The following SDCCAG8 variants were observed in gnomAD, a reference collection of about 807,000 sequenced individuals.
SDCCAG8 encodes serologically defined colon cancer antigen 8.
Under a neutral mutation model 101.8 loss-of-function variants are expected in SDCCAG8, and 74 were observed. That is an observed-to-expected ratio of 0.73 (90% CI 0.60 to 0.88). The LOEUF (loss-of-function observed/expected upper bound fraction) is 0.88. Among genes scored for constraint, SDCCAG8 ranks in the 40% least tolerant of loss-of-function variants. SDCCAG8 has a pLI of 0.00. For missense variants in SDCCAG8, 787 were observed against 822.6 expected, an observed-to-expected ratio of 0.96 and a Z score of 0.53; for synonymous variants, 281 against 292.9, an observed-to-expected ratio of 0.96 and a Z score of 0.41.
rs760942783 is a variant in SDCCAG8, at chr1:243,316,852, G to A, written c.1027G>A (p.Val343Ile). The change falls in exon 9 of 18, where the codon GTT (valine) becomes ATT (isoleucine). Residue 343 changes from valine to isoleucine, a missense_variant. Coordinates refer to ENST00000366541, the MANE Select transcript of SDCCAG8 (RefSeq NM_006642.5). ...AAGTGCTTATGAACAGGTGAAACAA[G>A]TTTTGCAAATATCTGAGGAAGCCAA... ...EASAYEQVKQ[V>I]LQISEEANFE... The A allele has an allele frequency of 9.9e-6, 16 of 1,614,186 alleles. No individual in the cohort carries two copies. The South Asian group carries it at 1.6e-4, about 17-fold the overall frequency.
At chr1:243,261,954 GCA>G (rs2067224950) in intron 1 of SDCCAG8, among the ~76,000 whole-genome samples, 8 of 150,638 alleles carry the variant, frequency 5.3e-5, no homozygotes, top group Non-Finnish European at 1.0e-4. Context: ...TGGGTTACAG[GCA>G]CGTGCCAACA....
chr1:243,273,972 C>A (rs781116686), intron 3 of SDCCAG8, among the ~76,000 whole-genome samples: 1 of 152,128 alleles, frequency 6.6e-6, no homozygotes, highest in Non-Finnish European at 1.5e-5. Context: ...GATAGAGAAG[C>A]AAGTATTTGT....
At chr1:243,353,027 C>T (rs1449706919) in intron 12 of SDCCAG8, among the ~76,000 whole-genome samples, 1 of 152,056 alleles carries the variant, frequency 6.6e-6, no homozygotes, top group Non-Finnish European at 1.5e-5. Context: ...AATTCAATAA[C>T]CATATATTAT....
intron 2 of SDCCAG8, 101 bp from the exon 3 acceptor site, chr1:243,270,877 C>T (rs2068025886): frequency 1.2e-6 from 1 of 824,902 alleles, no homozygotes; most frequent in Non-Finnish European, 2.1e-6. Flanking sequence ...ATTCTTGATG[C>T]ATAATATATC....
chr1:243,451,556 A>G (rs1481846872), intron 16 of SDCCAG8, among the ~76,000 whole-genome samples: 3 of 152,198 alleles, frequency 2.0e-5, no homozygotes, highest in African/African-American at 7.2e-5. Context: ...TTAAATGGAC[A>G]TATTCAGAGT....
intron 17 of SDCCAG8, 75 bp downstream of exon 17, chr1:243,489,215 A>G: frequency 6.4e-7 from 1 of 1,560,876 alleles, no homozygotes; most frequent in Non-Finnish European, 8.7e-7. Context: ...GCACCTCAAC[A>G]GGCCGGCTTT....
chr1:243,478,144 T>G (rs1662789744), intron 16 of SDCCAG8, among the ~76,000 whole-genome samples: 1 of 152,174 alleles, frequency 6.6e-6, no homozygotes, highest in African/African-American at 2.4e-5. Context: ...GCCCAGAAGG[T>G]TACCCAGCGT....
At chr1:243,335,030 A>G (rs1308077235) in intron 10 of SDCCAG8, among the ~76,000 whole-genome samples, 1 of 152,158 alleles carries the variant, frequency 6.6e-6, no homozygotes, top group Non-Finnish European at 1.5e-5. Flanking sequence ...CCTTGCATGT[A>G]ACATCCTCAA....
intron 9 of SDCCAG8, among the ~76,000 whole-genome samples, chr1:243,320,630 G>A (rs2073677767): frequency 6.6e-6 from 1 of 152,088 alleles, no homozygotes; most frequent in Non-Finnish European, 1.5e-5. Context: ...TGTGACCTTG[G>A]ACGAGTTACT....
At chr1:243,329,880 C>T (rs1467354739) in intron 9 of SDCCAG8, among the ~76,000 whole-genome samples, 1 of 152,120 alleles carries the variant, frequency 6.6e-6, no homozygotes, top group Non-Finnish European at 1.5e-5. Flanking sequence ...AAAGGACAAT[C>T]ATGAACTTTA....
intron 16 of SDCCAG8, among the ~76,000 whole-genome samples, chr1:243,445,813 A>C (rs2082862376): frequency 6.6e-6 from 1 of 152,166 alleles, no homozygotes; most frequent in Non-Finnish European, 1.5e-5. Context: ...AATTGGACAA[A>C]CTTTTTGTGT....
chr1:243,380,103 G>A (rs1224668923), intron 13 of SDCCAG8, among the ~76,000 whole-genome samples: 1 of 151,908 alleles, frequency 6.6e-6, no homozygotes, highest in Non-Finnish European at 1.5e-5. Context: ...GAAAGAGAAA[G>A]CAAAGAAAGA....
chr1:243,431,813 G>T (rs1027815352), intron 16 of SDCCAG8, among the ~76,000 whole-genome samples: 11 of 152,190 alleles, frequency 7.2e-5, no homozygotes, highest in Non-Finnish European at 2.9e-5. Context: ...GGCGTTCACT[G>T]TCACCGACTC....
chr1:243,312,687 C>G (rs2072852974), intron 8 of SDCCAG8, among the ~76,000 whole-genome samples: 1 of 129,516 alleles, frequency 7.7e-6, no homozygotes, highest in African/African-American at 3.0e-5. Flanking sequence ...GCCTGGGCAA[C>G]AGAGGAAGAA....
chr1:243,450,111 A>C (rs2083242504), intron 16 of SDCCAG8, among the ~76,000 whole-genome samples: 4 of 152,178 alleles, frequency 2.6e-5, no homozygotes, highest in Admixed American at 1.3e-4. Context: ...GTTTTCCAGC[A>C]CTTAGAGCAC....
At chr1:243,372,126 G>A (rs2077328502) in intron 12 of SDCCAG8, among the ~76,000 whole-genome samples, 3 of 151,972 alleles carry the variant, frequency 2.0e-5, no homozygotes, top group Admixed American at 2.0e-4. Context: ...TAGATTATAT[G>A]TTTCAATTTT....
chr1:243,348,339 C>T (rs2075865351), intron 12 of SDCCAG8, among the ~76,000 whole-genome samples: 1 of 151,774 alleles, frequency 6.6e-6, no homozygotes, highest in Admixed American at 6.6e-5. Context: ...CATGAGCCAC[C>T]GCGCCCGGCC....
chr1:243,425,049 G>T (rs1414552365), intron 15 of SDCCAG8, among the ~76,000 whole-genome samples: 1 of 152,048 alleles, frequency 6.6e-6, no homozygotes, highest in African/African-American at 2.4e-5. Flanking sequence ...TCTGAAAGGA[G>T]AAACGTAAGT....
At chr1:243,486,544 G>C (rs1047411768) in intron 16 of SDCCAG8, among the ~76,000 whole-genome samples, 1 of 152,210 alleles carries the variant, frequency 6.6e-6, no homozygotes, top group African/African-American at 2.4e-5. Flanking sequence ...ACCTCCTCCA[G>C]GTTCTGAGGG....
Sources: gnomAD v4.1 joint callset for allele counts (sites outside exome capture counted in the v4.1 genomes callset) on GRCh38, gnomAD v4.1.1 for gene constraint, MANE v1.5 for transcripts, NCBI Gene and HGNC (gene_info 2026-07-23, HGNC 2026-07-21) for gene names.